CTPS1: variants seen among roughly 807,000 people sequenced by gnomAD.
The protein encoded by CTPS1 is CTP synthase 1.
A neutral mutation model predicts 80.5 loss-of-function variants in CTPS1; 25 were observed. That is an observed-to-expected ratio of 0.31 (90% confidence interval 0.23 to 0.43). The LOEUF is 0.43. Among genes scored for constraint, CTPS1 ranks in the 20% least tolerant of loss-of-function variants. The probability of loss-of-function intolerance (pLI) is 1.00; values close to 1 mark genes in which losing one functional copy is unlikely to be tolerated. For synonymous variants in CTPS1, 267 were observed against 252.5 expected, an observed-to-expected ratio of 1.06 and a Z score of -0.54; for missense variants, 442 against 725.7, an observed-to-expected ratio of 0.61 and a Z score of 4.49.
Position 40,984,845 on chromosome 1 carries a change from G to A in CTPS1, c.191G>A (p.Gly64Asp). Residue 64 changes from glycine to aspartate, a missense_variant, in exon 3 of 19, where the codon GGT becomes GAT. Gly to Asp is a moderately conservative substitution (Grantham distance 94). Around this residue, in one of 4 missense-constraint regions of CTPS1, gnomAD observed 69 missense variants for 102.1 expected, o/e 0.68. Transcript: ENST00000650070. Reference sequence around the variant, plus strand: ...GGTGAGGTTTTTGTGCTGGATGATGGTGGGGAAGTAGACCTTGACCTGGGT... The same window carrying A: ...GGTGAGGTTTTTGTGCTGGATGATGATGGGGAAGTAGACCTTGACCTGGGT... The part of the protein sequence containing the change: ...EHGEVFVLDD[G>D]GEVDLDLGNY... 1 of 1,577,932 alleles carries A rather than the reference G, an allele frequency of 6.3e-7. No homozygotes were observed. Among genetic ancestry groups the A allele is most frequent in the Non-Finnish European group, 8.6e-7 (1 of 1,156,858 alleles).
intron 1 of CTPS1, chr1:40,981,937 C>A: frequency 7.9e-7 from 1 of 1,269,990 alleles, no homozygotes; most frequent in Admixed American, 2.4e-5. Context: ...TTATTTTTAT[C>A]ATAATTTGGC....
rs1303562456 is a variant in CTPS1, at chr1:40,984,566, T to C, written c.167-255T>C. ...GCACAGCCCACTGGGCTGTCATTTC[T>C]TCCCATCCCATGCTATTTTATAACT... On this transcript the variant is annotated intron_variant, in intron 2 of 18. Coordinates refer to ENST00000650070, the MANE Select transcript of CTPS1 (RefSeq NM_001905.4). 2.0e-5 allele frequency among the ~76,000 whole-genome samples: 3 copies of C among 152,242 alleles called. No homozygotes were observed. The East Asian group carries it at 5.8e-4, about 29-fold the overall frequency.
Position 41,007,591 on chromosome 1 carries a change from A to G in CTPS1, c.1393+46A>G, listed in dbSNP as rs1313179443. The G allele has an allele frequency of 2.0e-6, 3 of 1,520,496 alleles. No homozygotes were observed. Among genetic ancestry groups the G allele is most frequent in the African/African-American group, 2.7e-5 (2 of 73,016 alleles). 94.2% of individuals were successfully genotyped at this position (1,520,496 alleles called of 1,614,324 possible). A position where few individuals can be genotyped will look rare whatever the true frequency, so the allele number is the denominator to read the frequency against. Reference sequence around the variant, plus strand: ...GCCCAGCCTTTGGCTCTGCGTGCCCAGGACGCGTGTCTTAGGGTGATGCTG... The same window carrying G: ...GCCCAGCCTTTGGCTCTGCGTGCCCGGGACGCGTGTCTTAGGGTGATGCTG... On this transcript the variant is annotated intron_variant, in intron 14 of 18. Transcript: ENST00000650070. The surrounding 1 kb of genome is among the most constrained non-coding windows in gnomAD (Gnocchi z 4.4).
chr1:40,983,069 A>G, intron 1 of CTPS1: 1 of 430,700 alleles, frequency 2.3e-6, no homozygotes, highest in Non-Finnish European at 4.2e-6. Context: ...GTTTTTCTAC[A>G]CGTATTTGAC....
chr1:40,993,209 C>T (rs1642661316), intron 7 of CTPS1, among the ~76,000 whole-genome samples: 1 of 151,748 alleles, frequency 6.6e-6, no homozygotes, highest in South Asian at 2.1e-4. Context: ...TGCCACGATG[C>T]CGAGCTAATT....
At chr1:40,989,692 CTT>C (rs1464329141) in intron 5 of CTPS1, among the ~76,000 whole-genome samples, 1 of 152,046 alleles carries the variant, frequency 6.6e-6, no homozygotes, top group Non-Finnish European at 1.5e-5. Flanking sequence ...GCAGAGGAAA[CTT>C]TAAAAAAACA....
At chr1:40,998,637 G>A (rs1017125413) in intron 9 of CTPS1, among the ~76,000 whole-genome samples, 10 of 152,138 alleles carry the variant, frequency 6.6e-5, no homozygotes, top group African/African-American at 2.4e-4. Flanking sequence ...CACTATGTCA[G>A]CTGTCGTTAA....
chr1:41,004,305 G>A (rs1642978826), intron 12 of CTPS1: 1 of 152,264 alleles, frequency 6.6e-6, no homozygotes, highest in Non-Finnish European at 1.5e-5. Flanking sequence ...CCAGCATATG[G>A]TTTAGGGCTG....
chr1:41,011,750 TA>T lies in CTPS1; in HGVS notation c.*103del, dbSNP rs1643178280. ...GGAGACTTTCTTTAAATTATGTTTTTATTAAGATTATTTTATTATGCGGAAA... is the reference window on the plus strand; with the variant it reads ...GGAGACTTTCTTTAAATTATGTTTTTTTAAGATTATTTTATTATGCGGAAA... On this transcript the variant is annotated 3_prime_UTR_variant, in exon 19 of 19. Transcript: ENST00000650070. 6.6e-6 allele frequency: 1 copy of T among 152,230 alleles called. No individual in the cohort carries two copies. The highest frequency in any genetic ancestry group is 1.5e-5 in the Non-Finnish European group (1 of 68,056). The allele number at this position is 152,230 out of a possible 1,614,324, so 9.4% of individuals were successfully genotyped here.
intron 11 of CTPS1, 130 bp downstream of exon 11, chr1:41,002,384 G>A (rs936958029): frequency 1.4e-6 from 1 of 718,816 alleles, no homozygotes. Flanking sequence ...AGCTCAAGTA[G>A]AAGCCTTCAT....
chr1:41,003,275 G>C, intron 12 of CTPS1, 99 bp downstream of exon 12: 1 of 1,338,622 alleles, frequency 7.5e-7, no homozygotes, highest in Non-Finnish European at 1.1e-6. Context: ...TTGGAGAAGG[G>C]CAGGCCTGGG....
In CTPS1 at chr1:40,981,875, T is replaced by C. The variant is rs889012340; in HGVS notation, c.-13-1403T>C. The C allele has an allele frequency of 5.5e-5, 31 of 563,902 alleles. No homozygotes were observed. In the African/African-American group the frequency reaches 9.0e-4, roughly 16 times the overall value. The allele number at this position is 563,902 out of a possible 1,614,324, so 34.9% of individuals were successfully genotyped here. On this transcript the variant is annotated intron_variant, in intron 1 of 18. Transcript: ENST00000650070. ...GTTCTTTCTTGCTCTGGGGAGGGGG[T>C]GGGGCGGGGGAATGCTTCGAGCACA...
At chr1:40,982,221 T>C (rs892281503) in intron 1 of CTPS1, among the ~76,000 whole-genome samples, 1 of 152,014 alleles carries the variant, frequency 6.6e-6, no homozygotes, top group Admixed American at 6.6e-5. Flanking sequence ...TGGCACTGCT[T>C]TTTGGATTTA....
chr1:41,005,969 A>C lies in CTPS1; in HGVS notation c.1253-82A>C. ...TCACTGATCTTAAACTGAGGAGGGAAGTTGTGTTTAGAGCTTAGCAATGAA... is the reference window on the plus strand; with the variant it reads ...TCACTGATCTTAAACTGAGGAGGGACGTTGTGTTTAGAGCTTAGCAATGAA... On this transcript the variant is annotated intron_variant, in intron 12 of 18. Coordinates refer to ENST00000650070, the MANE Select transcript of CTPS1 (RefSeq NM_001905.4). 10 of 1,083,742 alleles carry C rather than the reference A, an allele frequency of 9.2e-6. No individual in the cohort carries two copies. The South Asian group carries it at 1.3e-4, about 14-fold the overall frequency. The allele number at this position is 1,083,742 out of a possible 1,614,324, so 67.1% of individuals were successfully genotyped here. A position where few individuals can be genotyped will look rare whatever the true frequency, so the allele number is the denominator to read the frequency against.
At chr1:40,982,413 G>A (rs1387546776) in intron 1 of CTPS1, among the ~76,000 whole-genome samples, 1 of 150,430 alleles carries the variant, frequency 6.6e-6, no homozygotes, top group African/African-American at 2.4e-5. Context: ...TTTTTTTGAG[G>A]TAGTCTTATT....
intron 8 of CTPS1, 163 bp downstream of exon 8, chr1:40,996,231 C>T: frequency 1.3e-6 from 1 of 763,308 alleles, no homozygotes; most frequent in Non-Finnish European, 2.1e-6. Flanking sequence ...TCTTAGCTGT[C>T]ACGTAGCTGT....
chr1:40,999,703 T>C (rs1642854147), intron 9 of CTPS1, among the ~76,000 whole-genome samples: 1 of 152,222 alleles, frequency 6.6e-6, no homozygotes, highest in Non-Finnish European at 1.5e-5. Context: ...CTTGAGAGAC[T>C]TGAAAACGTC....
intron 14 of CTPS1, among the ~76,000 whole-genome samples, chr1:41,008,312 T>G (rs1643085850): frequency 7.7e-6 from 1 of 129,620 alleles, no homozygotes; most frequent in Non-Finnish European, 1.8e-5. Context: ...ATGCCTCCCA[T>G]CCTGCCACGT....
In CTPS1 at chr1:41,002,850, A is replaced by G. The variant is rs533552442; in HGVS notation, c.1190-264A>G. On this transcript the variant is annotated intron_variant, in intron 11 of 18. Coordinates refer to ENST00000650070, the MANE Select transcript of CTPS1 (RefSeq NM_001905.4). ...AACAGCAAGACCCTGTCTGGGGGGA[A>G]AAAAGTACTGAATAGAATATCACTT... Among the ~76,000 whole-genome samples the G allele has an allele frequency of 4.6e-5, 7 of 152,308 alleles. No homozygotes were observed. The East Asian group carries it at 1.2e-3, about 25-fold the overall frequency.
Sources: allele counts gnomAD v4.1 joint callset (sites outside exome capture counted in the v4.1 genomes callset), GRCh38; gene constraint gnomAD v4.1.1; regional missense constraint gnomAD v4.1.1; non-coding constraint Gnocchi (gnomAD v3.1); transcripts MANE v1.5; gene names NCBI Gene and HGNC (gene_info 2026-07-23, HGNC 2026-07-21).